SYT14: variants seen among roughly 807,000 people sequenced by gnomAD.
The protein encoded by SYT14 is synaptotagmin 14.
A neutral mutation model predicts 74.2 loss-of-function variants in SYT14; 32 were observed. The observed-to-expected ratio is 0.43, with a 90% CI of 0.33 to 0.58. SYT14 has a LOEUF of 0.58. SYT14 is among the 20% of genes least tolerant of loss of function. SYT14 has a pLI of 0.05. For synonymous variants in SYT14, 298 were observed against 337.7 expected (o/e 0.88, Z 1.29); for missense variants, 791 against 981.8 (o/e 0.81, Z 2.60).
At chr1:210,039,427 A>T (rs547316834) in intron 5 of SYT14, among the ~76,000 whole-genome samples, 1 of 152,298 alleles carries the variant, frequency 6.6e-6, no homozygotes, top group Admixed American at 6.5e-5. Flanking sequence ...AAACCATAAA[A>T]GCCCTAGAGG....
chr1:210,025,009 GGT>G (rs1259058396), intron 5 of SYT14, among the ~76,000 whole-genome samples: 3 of 152,208 alleles, frequency 2.0e-5, no homozygotes, highest in African/African-American at 7.2e-5. Flanking sequence ...GAGTATAAGT[GGT>G]AAGGAAGTAT....
At chr1:209,987,637 G>A (rs1226402919) in intron 2 of SYT14, among the ~76,000 whole-genome samples, 1 of 152,182 alleles carries the variant, frequency 6.6e-6, no homozygotes, top group Non-Finnish European at 1.5e-5. Context: ...TGAGATTTGG[G>A]TGGAGACAAA....
intron 7 of SYT14, among the ~76,000 whole-genome samples, chr1:210,153,685 G>T (rs888138595): frequency 2.0e-5 from 3 of 151,916 alleles, no homozygotes; most frequent in Non-Finnish European, 4.4e-5. Flanking sequence ...GCACATAAGG[G>T]CTTTTTAAAA....
In SYT14 at chr1:210,035,897, T is replaced by A. The variant is rs181401569; in HGVS notation, c.1312+14643T>A. Among the ~76,000 whole-genome samples the A allele has an allele frequency of 2.6e-3, 399 of 152,182 alleles. 1 individual carries two copies. The highest frequency in any genetic ancestry group is 4.0e-3 in the Non-Finnish European group (271 of 67,952). On this transcript the variant is annotated intron_variant, in intron 5 of 9. Transcript: ENST00000637265. ...TATTTTGGCTATTTGGGCTTCTTGT[T>A]GGTTCTATCTGAATTTGGGGATTGT...
chr1:210,091,860 T>C (rs1336923730), intron 5 of SYT14, among the ~76,000 whole-genome samples: 1 of 152,174 alleles, frequency 6.6e-6, no homozygotes, highest in East Asian at 1.9e-4. Context: ...GATTTAGGAA[T>C]AGACATGTGA....
At chr1:209,992,516 A>T (rs1421382854) in intron 2 of SYT14, among the ~76,000 whole-genome samples, 1 of 152,174 alleles carries the variant, frequency 6.6e-6, no homozygotes, top group Non-Finnish European at 1.5e-5. Flanking sequence ...AGTAATAGAC[A>T]TTGGCAACTC....
At chr1:210,066,161 A>G (rs536007867) in intron 5 of SYT14, among the ~76,000 whole-genome samples, 238 of 152,030 alleles carry the variant, frequency 1.6e-3, no homozygotes, top group African/African-American at 5.4e-3. Context: ...AGTCTTTGCT[A>G]TTGTGAATAG....
At chr1:210,006,360 C>T (rs1008148200) in intron 2 of SYT14, among the ~76,000 whole-genome samples, 2 of 151,910 alleles carry the variant, frequency 1.3e-5, no homozygotes, top group African/African-American at 4.8e-5. Context: ...TACTAACCTT[C>T]TGTTTTCCTA....
At chr1:210,090,839 CAG>C (rs1410327948) in intron 5 of SYT14, among the ~76,000 whole-genome samples, 1 of 151,944 alleles carries the variant, frequency 6.6e-6, no homozygotes. Flanking sequence ...AGAATAAAAA[CAG>C]ATTGCAAACA....
intron 5 of SYT14, among the ~76,000 whole-genome samples, chr1:210,063,952 T>A (rs971298139): frequency 6.6e-6 from 1 of 151,924 alleles, no homozygotes; most frequent in African/African-American, 2.4e-5. Flanking sequence ...CCTCTTTCCG[T>A]TTCTTATAAA....
chr1:210,002,664 G>A (rs990520295), intron 2 of SYT14, among the ~76,000 whole-genome samples: 9 of 152,018 alleles, frequency 5.9e-5, no homozygotes, highest in African/African-American at 2.2e-4. Flanking sequence ...ACTGCATTAT[G>A]ATGTAATTTG....
chr1:210,000,253 C>T (rs1001593978), intron 2 of SYT14, among the ~76,000 whole-genome samples: 3 of 152,044 alleles, frequency 2.0e-5, no homozygotes, highest in South Asian at 2.1e-4. Flanking sequence ...CTGCCACTTA[C>T]GGCTTTGTGA....
At chr1:210,114,761 G>A (rs1356484298) in intron 7 of SYT14, among the ~76,000 whole-genome samples, 3 of 151,144 alleles carry the variant, frequency 2.0e-5, no homozygotes, top group Non-Finnish European at 2.9e-5. Flanking sequence ...GGCTAGTCAT[G>A]GAACAAAACT....
chr1:210,114,635 G>A (rs1288507123), intron 7 of SYT14, among the ~76,000 whole-genome samples: 1 of 151,256 alleles, frequency 6.6e-6, no homozygotes, highest in Admixed American at 6.6e-5. Flanking sequence ...ATAAAAAGGA[G>A]CCTAAACGCT....
At chr1:209,987,344 A>G (rs11119384) in intron 2 of SYT14, among the ~76,000 whole-genome samples, 7,625 of 152,304 alleles carry the variant, frequency 0.05, 1,034 homozygotes, top group East Asian at 0.41. Context: ...TAATTGGCTT[A>G]AAGTTTTGTA....
At chr1:209,970,547 C>T (rs2079233156) in intron 2 of SYT14, among the ~76,000 whole-genome samples, 1 of 150,626 alleles carries the variant, frequency 6.6e-6, no homozygotes, top group Non-Finnish European at 1.5e-5. Flanking sequence ...ACTATTTGGG[C>T]TCTTTTTTGG....
intron 2 of SYT14, among the ~76,000 whole-genome samples, chr1:209,980,774 T>TAG (rs2079470001): frequency 6.6e-6 from 1 of 152,136 alleles, no homozygotes; most frequent in African/African-American, 2.4e-5. Context: ...GCAGTCTTAT[T>TAG]TCTGGGTTTC....
chr1:210,010,420 C>T (rs2080065848), intron 2 of SYT14, among the ~76,000 whole-genome samples: 1 of 152,076 alleles, frequency 6.6e-6, no homozygotes, highest in African/African-American at 2.4e-5. Context: ...GATTATTGCC[C>T]ATTAGTGCTT....
intron 2 of SYT14, among the ~76,000 whole-genome samples, chr1:209,983,002 AG>A (rs1020404788): frequency 6.8e-6 from 1 of 148,070 alleles, no homozygotes; most frequent in Non-Finnish European, 1.5e-5. Context: ...GCTTTTGGTG[AG>A]GTGTCTTTTA....
Sources: allele counts gnomAD v4.1 joint callset (sites outside exome capture counted in the v4.1 genomes callset), GRCh38; gene constraint gnomAD v4.1.1; transcripts MANE v1.5; gene names NCBI Gene and HGNC (gene_info 2026-07-23, HGNC 2026-07-21).